PTPRD: variants seen among roughly 807,000 people sequenced by gnomAD.
PTPRD encodes the protein protein tyrosine phosphatase receptor type D.
In PTPRD, 34 loss-of-function variants were observed where a neutral mutation model predicts 214.5. That is an observed-to-expected ratio of 0.16 (90% CI 0.12 to 0.21). PTPRD has a LOEUF of 0.21. PTPRD is among the 10% of genes least tolerant of loss of function. The pLI, the probability that PTPRD is intolerant of heterozygous loss-of-function variation, is 1.00. For missense variants in PTPRD, 2,545 were observed against 2,398.7 expected (o/e 1.06, Z -1.27); for synonymous variants, 1,128 against 845.7 (o/e 1.33, Z -5.79).
intron 18 of PTPRD, among the ~76,000 whole-genome samples, chr9:8,524,012 C>T (rs2097947882): frequency 6.6e-6 from 1 of 151,816 alleles, no homozygotes; most frequent in Non-Finnish European, 1.5e-5. Flanking sequence ...TCTTTAATCC[C>T]ACCCCCACCC....
chr9:8,723,977 C>A (rs1198517451), intron 12 of PTPRD, among the ~76,000 whole-genome samples: 1 of 152,058 alleles, frequency 6.6e-6, no homozygotes, highest in Non-Finnish European at 1.5e-5. Context: ...TTTTTGAAAA[C>A]CTATTGCAAA....
chr9:10,574,704 C>T (rs1178981354), intron 2 of PTPRD, among the ~76,000 whole-genome samples: 1 of 150,858 alleles, frequency 6.6e-6, no homozygotes, highest in Non-Finnish European at 1.5e-5. Context: ...GCTTCCATTT[C>T]TATATTAACT....
chr9:9,004,206 A>G (rs562117036), intron 11 of PTPRD, among the ~76,000 whole-genome samples: 3 of 152,184 alleles, frequency 2.0e-5, no homozygotes, highest in African/African-American at 7.2e-5. Context: ...TTAGTGGTAT[A>G]ATCTGTAATT....
chr9:8,717,790 C>G (rs2098452719), intron 12 of PTPRD, among the ~76,000 whole-genome samples: 1 of 152,144 alleles, frequency 6.6e-6, no homozygotes, highest in African/African-American at 2.4e-5. Context: ...CGGACAAGTT[C>G]CAAGATCATT....
chr9:8,908,589 A>G (rs2098724476), intron 11 of PTPRD, among the ~76,000 whole-genome samples: 1 of 152,054 alleles, frequency 6.6e-6, no homozygotes, highest in Non-Finnish European at 1.5e-5. Context: ...GGAGGCAGCT[A>G]AAGTAATGTT....
intron 7 of PTPRD, among the ~76,000 whole-genome samples, chr9:9,588,180 G>A (rs113103075): frequency 2.6e-5 from 4 of 151,880 alleles, no homozygotes; most frequent in African/African-American, 9.6e-5. Context: ...GACCTGCAAG[G>A]ATTTTAACCA....
chr9:10,438,894 G>T (rs1473542948), intron 2 of PTPRD, among the ~76,000 whole-genome samples: 2 of 151,684 alleles, frequency 1.3e-5, no homozygotes, highest in Non-Finnish European at 2.9e-5. Flanking sequence ...TGAAGTGGAG[G>T]AGACAGTATG....
At chr9:9,312,950 C>T (rs1476837706) in intron 9 of PTPRD, among the ~76,000 whole-genome samples, 1 of 152,112 alleles carries the variant, frequency 6.6e-6, no homozygotes, top group African/African-American at 2.4e-5. Context: ...TAATCCACCA[C>T]CACTATGGCT....
intron 2 of PTPRD, among the ~76,000 whole-genome samples, chr9:10,431,147 T>C (rs994611489): frequency 1.3e-5 from 2 of 151,972 alleles, no homozygotes; most frequent in African/African-American, 2.4e-5. Context: ...TCTCCTTTTA[T>C]TGATTCTCTC....
rs763715400 is a variant in PTPRD, at chr9:8,940,280, C to CCTTTGTTTTT, written c.-104+78416_-104+78417insAAAAACAAAG. ...TCACACATCTCTCTCTCTCTCTCTC[C>CCTTTGTTTTT]TTTTTTTTTTTTTTTTTTTTGAGAT... On this transcript the variant is annotated intron_variant, in intron 11 of 45. Coordinates refer to ENST00000381196, the MANE Select transcript of PTPRD (RefSeq NM_002839.4). Among the ~76,000 whole-genome samples, 92 of 89,040 alleles carry CCTTTGTTTTT rather than the reference C, an allele frequency of 1.0e-3. 10 individuals are homozygous for CCTTTGTTTTT. Among genetic ancestry groups the CCTTTGTTTTT allele is most frequent in the East Asian group, 3.5e-3 (10 of 2,830 alleles). 58.4% of individuals were successfully genotyped at this position (89,040 alleles called of 152,430 possible). A position where few individuals can be genotyped will look rare whatever the true frequency, so the allele number is the denominator to read the frequency against.
At chr9:10,333,180 T>C (rs1444758469) in intron 3 of PTPRD, among the ~76,000 whole-genome samples, 3 of 151,738 alleles carry the variant, frequency 2.0e-5, no homozygotes, top group Non-Finnish European at 2.9e-5. Flanking sequence ...AAGTAAGAGT[T>C]GTGTTCTGAG....
intron 11 of PTPRD, among the ~76,000 whole-genome samples, chr9:8,809,242 T>C (rs1482740937): frequency 6.6e-6 from 1 of 152,186 alleles, no homozygotes; most frequent in African/African-American, 2.4e-5. Context: ...ATTCAGAGAC[T>C]GAAACAATAC....
chr9:8,345,252 C>T (rs973601116), intron 39 of PTPRD, among the ~76,000 whole-genome samples: 1 of 152,052 alleles, frequency 6.6e-6, no homozygotes, highest in African/African-American at 2.4e-5. Context: ...TTCCTTTCCC[C>T]TTCTCTGACA....
chr9:9,066,490 C>G (rs1479945695), intron 10 of PTPRD, among the ~76,000 whole-genome samples: 1 of 151,954 alleles, frequency 6.6e-6, no homozygotes, highest in Non-Finnish European at 1.5e-5. Flanking sequence ...AAAATGGTCT[C>G]CCAAAAGATA....
intron 9 of PTPRD, among the ~76,000 whole-genome samples, chr9:9,266,042 T>C (rs1386626505): frequency 2.6e-5 from 4 of 151,620 alleles, no homozygotes; most frequent in Middle Eastern, 6.9e-3. Context: ...TTGATAAAGA[T>C]ATTGTATGCA....
chr9:8,454,157 G>C (rs962745521), intron 33 of PTPRD, among the ~76,000 whole-genome samples: 1 of 152,066 alleles, frequency 6.6e-6, no homozygotes, highest in Non-Finnish European at 1.5e-5. Flanking sequence ...AATATTTGCA[G>C]GATGTGAAAA....
chr9:9,186,106 G>GAGAT (rs374431631), intron 9 of PTPRD, among the ~76,000 whole-genome samples: 26 of 151,986 alleles, frequency 1.7e-4, no homozygotes, highest in African/African-American at 6.3e-4. Context: ...TTATTTTCTG[G>GAGAT]AGATTGAGAA....
intron 5 of PTPRD, among the ~76,000 whole-genome samples, chr9:9,835,797 T>A: frequency 6.6e-6 from 1 of 152,098 alleles, no homozygotes. Flanking sequence ...GATAAGCAGA[T>A]GGCACACATT....
At chr9:10,004,507 C>A (rs1006891207) in intron 4 of PTPRD, among the ~76,000 whole-genome samples, 1 of 151,588 alleles carries the variant, frequency 6.6e-6, no homozygotes, top group Non-Finnish European at 1.5e-5. Context: ...CATTACCCAC[C>A]GGTCAAGAGA....
Sources: allele counts gnomAD v4.1 joint callset (sites outside exome capture counted in the v4.1 genomes callset), GRCh38; gene constraint gnomAD v4.1.1; transcripts MANE v1.5; gene names NCBI Gene and HGNC (gene_info 2026-07-23, HGNC 2026-07-21).